SERPINA3: variants seen among roughly 807,000 people sequenced by gnomAD.
SERPINA3 encodes serpin family A member 3.
SERPINA3 carries 32 observed loss-of-function variants against 26.8 expected under a neutral mutation model. The ratio of observed to expected loss-of-function variants is 1.20; its 90% confidence interval spans 0.90 to 1.61. The LOEUF is 1.61. SERPINA3 is among the 40% of genes most tolerant of loss of function. SERPINA3 has a pLI of 0.00. For missense variants in SERPINA3, 632 were observed against 517.9 expected, an observed-to-expected ratio of 1.22 and a Z score of -2.14; for synonymous variants, 252 against 206.4, an observed-to-expected ratio of 1.22 and a Z score of -1.89.
Position 94,614,480 on chromosome 14 carries a change from G to C in SERPINA3, c.39G>C (p.Leu13Phe). ...TACCTCTCCTGGCTCTGGGGCTCTT[G>C]GCGGCTGGGTTCTGCCCTGCTGTCC... ...RMLPLLALGL[L>F]AAGFCPAVLC... is the part of the protein sequence containing the mutation. The change falls in exon 2 of 5, where the codon TTG becomes TTC. Residue 13 changes from leucine to phenylalanine, a missense_variant. Leu to Phe is a conservative substitution (Grantham distance 22). Coordinates refer to ENST00000393078, the MANE Select transcript of SERPINA3 (RefSeq NM_001085.5). The C allele has an allele frequency of 6.2e-7, 1 of 1,614,004 alleles. No individual in the cohort carries two copies. Among genetic ancestry groups the C allele is most frequent in the Non-Finnish European group, 8.5e-7 (1 of 1,179,992 alleles).
rs143117416 is a variant in SERPINA3 at position 94,614,678 on chromosome 14, C to T, written c.237C>T (p.Ser79=). The T allele has an allele frequency of 1.1e-4, 177 of 1,614,106 alleles. No homozygotes were observed. In the African/African-American group the frequency reaches 2.0e-3, roughly 18 times the overall value. ...AGAATGTCATCTTCTCCCCACTGAGCATCTCCACCGCCTTGGCCTTCCTGT... is the reference window on the plus strand; with the variant it reads ...AGAATGTCATCTTCTCCCCACTGAGTATCTCCACCGCCTTGGCCTTCCTGT... ...PDKNVIFSPL[S]ISTALAFLSL... is the part of the protein sequence containing the mutation. The change falls in exon 2 of 5, where the codon AGC becomes AGT. Residue 79 remains serine, a synonymous_variant. Transcript: ENST00000393078.
At position 94,614,905 on chromosome 14, in the gene SERPINA3, A is replaced by G. The variant is rs1297797724; in HGVS notation, c.464A>G (p.Glu155Gly). Residue 155 changes from glutamate (E) to glycine (G), a missense_variant, in exon 2 of 5, where the codon GAG becomes GGG. By Grantham distance (98) the Glu-to-Gly change is moderately conservative. Coordinates refer to ENST00000393078, the MANE Select transcript of SERPINA3 (RefSeq NM_001085.5). ...CTCAGTCTGCTGGACAGGTTCACGG[A>G]GGATGCCAAGAGGCTGTATGGCTCC... is the stretch of plus-strand genomic sequence containing the variant. ...EQLSLLDRFT[E>G]DAKRLYGSEA... 6.2e-7 allele frequency: 1 copy of G among 1,614,186 alleles called. No individual in the cohort carries two copies. The highest frequency in any genetic ancestry group is 1.7e-5 in the Admixed American group (1 of 60,030).
chr14:94,619,150 G>A lies in SERPINA3; in HGVS notation c.644-45G>A, dbSNP rs77331596. ...CTGCGGAAGCAGGGTCGAGCAGGGC[G>A]ACCCTTGCACTCACACCTTCTCCAA... On this transcript the variant is annotated intron_variant, in intron 2 of 4. Transcript: ENST00000393078. 293 of 1,612,120 alleles carry A rather than the reference G, an allele frequency of 1.8e-4. 1 individual carries two copies. In the East Asian group the frequency reaches 4.2e-3, roughly 23 times the overall value.
chr14:94,622,629 C>A, intron 4 of SERPINA3, 138 bp downstream of exon 4: 1 of 956,938 alleles, frequency 1.0e-6, no homozygotes, highest in South Asian at 1.4e-5. Context: ...GCTTGGGACA[C>A]CCCCAAGCCA....
chr14:94,617,672 T>C (rs1390336274), intron 2 of SERPINA3: 1 of 152,146 alleles, frequency 6.6e-6, no homozygotes, highest in Non-Finnish European at 1.5e-5. Flanking sequence ...GAAAATTCCT[T>C]TTGCTCCCTC....
intron 3 of SERPINA3, among the ~76,000 whole-genome samples, chr14:94,621,617 A>G (rs907634821): frequency 2.6e-5 from 4 of 152,110 alleles, no homozygotes; most frequent in African/African-American, 7.2e-5. Flanking sequence ...TACCTGCTCT[A>G]TGCCAGCCCA....
At chr14:94,620,311 G>T (rs575291636) in intron 3 of SERPINA3, among the ~76,000 whole-genome samples, 4 of 152,334 alleles carry the variant, frequency 2.6e-5, no homozygotes, top group Non-Finnish European at 5.9e-5. Context: ...GAGCAGCTGG[G>T]CTTCCACTTC....
Position 94,612,433 on chromosome 14 carries a change from A to G in SERPINA3, c.-23A>G, listed in dbSNP as rs1463125337. 1 of 1,365,086 alleles carries G rather than the reference A, an allele frequency of 7.3e-7. No individual in the cohort carries two copies. Among genetic ancestry groups the G allele is most frequent in the Non-Finnish European group, 9.8e-7 (1 of 1,021,028 alleles). 84.6% of individuals were successfully genotyped at this position (1,365,086 alleles called of 1,614,324 possible). ...GCTTTGGAATCCACCAGCTACATCCAGCTCCCTGAGGCAGGTAATCCATGA... is the reference window on the plus strand; with the variant it reads ...GCTTTGGAATCCACCAGCTACATCCGGCTCCCTGAGGCAGGTAATCCATGA... On this transcript the variant is annotated 5_prime_UTR_variant, in exon 1 of 5. Transcript: ENST00000393078.
intron 3 of SERPINA3, among the ~76,000 whole-genome samples, chr14:94,621,832 C>A (rs889283046): frequency 3.9e-5 from 6 of 152,186 alleles, no homozygotes; most frequent in African/African-American, 1.4e-4. Flanking sequence ...CCCCGTGGAG[C>A]AACTCCTCCT....
chr14:94,624,037 T>G lies in SERPINA3; in HGVS notation c.*223T>G. 1 of 599,234 alleles carries G rather than the reference T, an allele frequency of 1.7e-6. No homozygotes were observed. Among genetic ancestry groups the G allele is most frequent in the Non-Finnish European group, 3.0e-6 (1 of 336,596 alleles). The allele number at this position is 599,234 out of a possible 1,614,324, so 37.1% of individuals were successfully genotyped here. A position where few individuals can be genotyped will look rare whatever the true frequency, so the allele number is the denominator to read the frequency against. On this transcript the variant is annotated 3_prime_UTR_variant, in exon 5 of 5. Coordinates refer to ENST00000393078, the MANE Select transcript of SERPINA3 (RefSeq NM_001085.5). ...AGGGTCCTGGGCCTCCTGACAGCAA[T>G]AAATAATTTCGTTGGACACGTTGCT...
rs373313640 is a variant in SERPINA3 at position 94,619,217 on chromosome 14, C to A, written c.666C>A (p.Asp222Glu). The change falls in exon 3 of 5, where the codon GAC (aspartate) becomes GAA (glutamate). Residue 222 changes from aspartate to glutamate, a missense_variant. By Grantham distance (45) the Asp-to-Glu change is conservative. Transcript: ENST00000393078. ...CAGCCAAATGGGAGATGCCCTTTGA[C>A]CCCCAAGATACTCATCAGTCAAGGT... ...FFKAKWEMPF[D>E]PQDTHQSRFY... The A allele has an allele frequency of 6.2e-6, 10 of 1,613,952 alleles. No homozygotes were observed. In the African/African-American group the frequency reaches 1.2e-4, roughly 19 times the overall value.
chr14:94,612,566 C>T (rs945204494), intron 1 of SERPINA3, 119 bp downstream of exon 1: 2 of 521,070 alleles, frequency 3.8e-6, no homozygotes, highest in Non-Finnish European at 6.8e-6. Flanking sequence ...AGGAGGTGTA[C>T]TCAGGTGTTA....
At chr14:94,619,498 C>A (rs568095186) in intron 3 of SERPINA3, 30 bp downstream of exon 3, 21 of 1,613,194 alleles carry the variant, frequency 1.3e-5, no homozygotes, top group African/African-American at 1.1e-4. Context: ...AAAGACCCCA[C>A]ATCTCTCCAC....
At position 94,620,554 on chromosome 14, in the gene SERPINA3, G is replaced by A. The variant is rs187305041; in HGVS notation, c.917+1086G>A. Among the ~76,000 whole-genome samples the A allele has an allele frequency of 2.3e-3, 350 of 152,264 alleles. 4 individuals carry two copies. Among genetic ancestry groups the A allele is most frequent in the African/African-American group, 8.0e-3 (333 of 41,544 alleles). On this transcript the variant is annotated intron_variant, in intron 3 of 4. Transcript: ENST00000393078. ...GAGGTTTGGAGGAGTGCTGCGATCC[G>A]AGTGTTGTTTTAAAAGACTAATCCT...
intron 1 of SERPINA3, chr14:94,613,281 A>C: frequency 6.9e-6 from 1 of 144,430 alleles, no homozygotes. Context: ...CCTCCCTTCC[A>C]ATCGCCTCTC....
chr14:94,622,859 A>C, intron 4 of SERPINA3: 1 of 348,122 alleles, frequency 2.9e-6, no homozygotes, highest in South Asian at 2.7e-5. Flanking sequence ...CTGGCTGGAC[A>C]GGGAATGCCA....
At chr14:94,615,223 A>T in intron 2 of SERPINA3, 139 bp downstream of exon 2, 1 of 951,628 alleles carries the variant, frequency 1.1e-6, no homozygotes, top group Non-Finnish European at 1.7e-6. Context: ...TCAAGGCCCC[A>T]CCCTGCCCAT....
chr14:94,622,322 T>A lies in SERPINA3; in HGVS notation c.918-19T>A, dbSNP rs747713477. 1 of 1,614,068 alleles carries A rather than the reference T, an allele frequency of 6.2e-7. No homozygotes were observed. The highest frequency in any genetic ancestry group is 8.5e-7 in the Non-Finnish European group (1 of 1,179,976). On this transcript the variant is annotated intron_variant, in intron 3 of 4. Transcript: ENST00000393078. ...CTGATCAGCAGAGGTTCAGATACTT[T>A]TTTTTTCTCGTTTTCTAGAGAGATA...
rs754821627 is a variant in SERPINA3, at chr14:94,623,376, T to C, written c.1069-235T>C. Among the ~76,000 whole-genome samples the C allele has an allele frequency of 4.2e-4, 64 of 152,194 alleles. 1 individual carries two copies. The highest frequency in any genetic ancestry group is 1.2e-4 in the Non-Finnish European group (8 of 68,036). ...CATATGAGGTGCTCCATTCTTTACC[T>C]CGATGGCTCTGGGCAAATCATACTC... On this transcript the variant is annotated intron_variant, in intron 4 of 4. Transcript: ENST00000393078.
Sources: gnomAD v4.1 joint callset for allele counts (sites outside exome capture counted in the v4.1 genomes callset) on GRCh38, gnomAD v4.1.1 for gene constraint, MANE v1.5 for transcripts, NCBI Gene and HGNC (gene_info 2026-07-23, HGNC 2026-07-21) for gene names.